Variants in BMERB1 observed in about 807,000 individuals in gnomAD.
BMERB1 encodes bMERB domain-containing protein 1.
A neutral mutation model predicts 23.6 loss-of-function variants in BMERB1; 12 were observed. The observed-to-expected ratio is 0.51, with a 90% CI of 0.33 to 0.82. BMERB1 has a LOEUF of 0.82. Ranked by LOEUF, BMERB1 falls within the 40% of genes least tolerant of loss-of-function variation. The pLI is 0.03. For missense variants in BMERB1, 247 were observed against 255.4 expected (o/e 0.97, Z 0.22); for synonymous variants, 122 against 96.6 (o/e 1.26, Z -1.54).
chr16:15,580,780 C>T (rs1287019406), intron 3 of BMERB1, among the ~76,000 whole-genome samples: 2 of 151,024 alleles, frequency 1.3e-5, no homozygotes, highest in East Asian at 2.0e-4. Flanking sequence ...CTCCTGACCT[C>T]GTGATCCGCC....
At chr16:15,444,170 G>T (rs2050970514) in intron 1 of BMERB1, among the ~76,000 whole-genome samples, 1 of 68,774 alleles carries the variant, frequency 1.5e-5, no homozygotes, top group Non-Finnish European at 2.7e-5. Context: ...TTTCCCCTTG[G>T]CTTAATGGAT....
chr16:15,438,960 G>A (rs773341439), intron 1 of BMERB1, among the ~76,000 whole-genome samples: 3 of 152,148 alleles, frequency 2.0e-5, no homozygotes, highest in Admixed American at 6.6e-5. Flanking sequence ...AAATGCTGGA[G>A]AAAAGAAGAG....
chr16:15,490,085 C>A (rs554981730), intron 1 of BMERB1, among the ~76,000 whole-genome samples: 27 of 152,206 alleles, frequency 1.8e-4, no homozygotes, highest in African/African-American at 5.5e-4. Context: ...AGGATCCTCT[C>A]GATCTCCTGA....
intron 1 of BMERB1, among the ~76,000 whole-genome samples, chr16:15,450,740 G>C (rs182038279): frequency 3.3e-5 from 5 of 152,186 alleles, no homozygotes; most frequent in Admixed American, 3.3e-4. Flanking sequence ...CAAAGTGCTG[G>C]GATTACAGGC....
chr16:15,538,106 C>T (rs962119624), intron 2 of BMERB1, among the ~76,000 whole-genome samples: 1 of 152,136 alleles, frequency 6.6e-6, no homozygotes, highest in Non-Finnish European at 1.5e-5. Flanking sequence ...CATCTTGAGT[C>T]GATAGGAGGC....
chr16:15,511,250 G>C (rs996656496), intron 1 of BMERB1, among the ~76,000 whole-genome samples: 4 of 152,012 alleles, frequency 2.6e-5, no homozygotes, highest in African/African-American at 9.7e-5. Flanking sequence ...ACAGCCTGAG[G>C]TGGCTCCTCT....
At chr16:15,454,327 T>G (rs2051066120) in intron 1 of BMERB1, among the ~76,000 whole-genome samples, 1 of 152,232 alleles carries the variant, frequency 6.6e-6, no homozygotes. Flanking sequence ...ATGGCTCTGC[T>G]AGGTGACTTG....
intron 1 of BMERB1, among the ~76,000 whole-genome samples, chr16:15,501,332 A>T (rs2051528076): frequency 8.4e-6 from 1 of 119,596 alleles, no homozygotes; most frequent in African/African-American, 3.3e-5. Context: ...CCGTTCTGTC[A>T]CCCAGGCTGG....
chr16:15,576,675 G>C (rs535367967), intron 3 of BMERB1, among the ~76,000 whole-genome samples: 1 of 152,130 alleles, frequency 6.6e-6, no homozygotes, highest in African/African-American at 2.4e-5. Flanking sequence ...ATCCAAAATC[G>C]AGGTGTCAAC....
At chr16:15,493,803 A>G (rs1399126795) in intron 1 of BMERB1, among the ~76,000 whole-genome samples, 8 of 152,164 alleles carry the variant, frequency 5.3e-5, no homozygotes, top group African/African-American at 1.9e-4. Context: ...CTCTCCTGTC[A>G]AATTTCCAGC....
chr16:15,505,942 G>A (rs2051585826), intron 1 of BMERB1, among the ~76,000 whole-genome samples: 1 of 151,610 alleles, frequency 6.6e-6, no homozygotes, highest in Non-Finnish European at 1.5e-5. Flanking sequence ...ATATGACAGA[G>A]TACAGAATAT....
At chr16:15,517,645 T>A (rs984052314) in intron 2 of BMERB1, among the ~76,000 whole-genome samples, 15 of 150,282 alleles carry the variant, frequency 1.0e-4, no homozygotes, top group African/African-American at 3.5e-4. Context: ...TTAAAAATTT[T>A]AAAAATATAT....
chr16:15,471,765 A>G (rs895836863), intron 1 of BMERB1, among the ~76,000 whole-genome samples: 1 of 151,978 alleles, frequency 6.6e-6, no homozygotes, highest in Non-Finnish European at 1.5e-5. Flanking sequence ...TTTTGTAGAG[A>G]TGGGGTCTTG....
chr16:15,571,469 C>CA lies in BMERB1; in HGVS notation c.304+3414dup, dbSNP rs2030725249. Among the ~76,000 whole-genome samples the CA allele has an allele frequency of 2.0e-5, 3 of 152,072 alleles. No individual in the cohort carries two copies. The South Asian group carries it at 6.2e-4, about 32-fold the overall frequency. On this transcript the variant is annotated intron_variant, in intron 3 of 5. Coordinates refer to ENST00000300006, the MANE Select transcript of BMERB1 (RefSeq NM_033201.3). ...GCCTCCCGGGTTCATGCCTCAGCCTCAGTCTCCCGAGTAGCTGGGAGCCTG... is the reference window on the plus strand; with the variant it reads ...GCCTCCCGGGTTCATGCCTCAGCCTCAAGTCTCCCGAGTAGCTGGGAGCCTG...
intron 2 of BMERB1, among the ~76,000 whole-genome samples, chr16:15,565,381 A>G (rs2030535724): frequency 6.6e-6 from 1 of 152,232 alleles, no homozygotes; most frequent in Admixed American, 6.5e-5. Context: ...ACTGGCTCCA[A>G]GCTGACCCAC....
chr16:15,586,629 G>A (rs2031150260), intron 5 of BMERB1, 88 bp from the exon 6 acceptor site: 1 of 1,094,224 alleles, frequency 9.1e-7, no homozygotes, highest in Non-Finnish European at 1.4e-6. Context: ...CAGTGGGGCT[G>A]GGCTGCAGAT....
intron 2 of BMERB1, among the ~76,000 whole-genome samples, chr16:15,539,164 C>A (rs1461434994): frequency 6.6e-6 from 1 of 152,112 alleles, no homozygotes; most frequent in Non-Finnish European, 1.5e-5. Flanking sequence ...AAGATGGTCC[C>A]ATCTGTGGGC....
chr16:15,516,737 T>G (rs2051764569), intron 2 of BMERB1, among the ~76,000 whole-genome samples: 1 of 152,182 alleles, frequency 6.6e-6, no homozygotes, highest in Non-Finnish European at 1.5e-5. Context: ...ATGAGGAGAC[T>G]GAGGCTTGAA....
intron 2 of BMERB1, among the ~76,000 whole-genome samples, chr16:15,554,839 T>C (rs2030205892): frequency 6.6e-6 from 1 of 151,850 alleles, no homozygotes; most frequent in Non-Finnish European, 1.5e-5. Context: ...GCTGATTTTT[T>C]GTATTTTCAG....
Sources: allele counts gnomAD v4.1 joint callset (sites outside exome capture counted in the v4.1 genomes callset), GRCh38; gene constraint gnomAD v4.1.1; transcripts MANE v1.5; gene names NCBI Gene and HGNC (gene_info 2026-07-23, HGNC 2026-07-21).